Variants in NMT1 observed in about 807,000 individuals in gnomAD.
NMT1 encodes the protein N-myristoyltransferase 1.
Under a neutral mutation model 63.4 loss-of-function variants are expected in NMT1, and 12 were observed. That is an observed-to-expected ratio of 0.19 (90% CI 0.12 to 0.31). The LOEUF (loss-of-function observed/expected upper bound fraction) is 0.31. NMT1 is among the 10% of genes least tolerant of loss of function. NMT1 has a pLI of 1.00. For missense variants in NMT1, 432 were observed against 634.6 expected (o/e 0.68, Z 3.43); for synonymous variants, 228 against 234.3 (o/e 0.97, Z 0.25).
chr17:45,096,966 T>C (rs766705222), intron 5 of NMT1, among the ~76,000 whole-genome samples, 162 bp from the exon 6 acceptor site: 8 of 152,236 alleles, frequency 5.3e-5, no homozygotes, highest in Non-Finnish European at 8.8e-5. Flanking sequence ...TGGTGATGGC[T>C]CGATTCTGTG....
At chr17:45,084,305 C>T (rs1350723622) in intron 2 of NMT1, among the ~76,000 whole-genome samples, 1 of 150,374 alleles carries the variant, frequency 6.7e-6, no homozygotes, top group Non-Finnish European at 1.5e-5. Flanking sequence ...AATTATTTCT[C>T]TTAGATTGGC....
At chr17:45,070,013 G>A (rs1478552133) in intron 1 of NMT1, among the ~76,000 whole-genome samples, 1 of 151,990 alleles carries the variant, frequency 6.6e-6, no homozygotes, top group Admixed American at 6.6e-5. Flanking sequence ...AGTCTAACTC[G>A]CCAAACAAAC....
intron 3 of NMT1, among the ~76,000 whole-genome samples, chr17:45,091,977 C>T (rs1244353140): frequency 2.0e-5 from 3 of 152,080 alleles, no homozygotes; most frequent in Non-Finnish European, 2.9e-5. Context: ...ACCAAGGTTA[C>T]GCCACTGCAT....
At chr17:45,088,290 A>G (rs2054067188) in intron 3 of NMT1, among the ~76,000 whole-genome samples, 1 of 152,228 alleles carries the variant, frequency 6.6e-6, no homozygotes, top group African/African-American at 2.4e-5. Flanking sequence ...AGAGAGCCAC[A>G]CATCTCACCT....
intron 3 of NMT1, 172 bp from the exon 4 acceptor site, chr17:45,093,513 T>G: frequency 1.7e-6 from 1 of 576,572 alleles, no homozygotes; most frequent in South Asian, 2.1e-5. Context: ...TGGCCCTCAG[T>G]TAGGGGCTAA....
intron 1 of NMT1, among the ~76,000 whole-genome samples, chr17:45,075,998 A>T (rs536849412): frequency 6.6e-6 from 1 of 152,174 alleles, no homozygotes; most frequent in African/African-American, 2.4e-5. Context: ...GGAACCTGTG[A>T]TGAGGAGGCT....
chr17:45,081,842 G>A (rs2054019154), intron 2 of NMT1, 90 bp downstream of exon 2: 8 of 950,950 alleles, frequency 8.4e-6, no homozygotes, highest in Middle Eastern at 2.8e-4. Context: ...TTGGATTGAC[G>A]TTCTCCACTG....
Position 45,107,795 on chromosome 17 carries a change from G to A in NMT1, c.*2156G>A, listed in dbSNP as rs1381816278. 1 of 152,292 alleles carries A rather than the reference G, an allele frequency of 6.6e-6. No individual in the cohort carries two copies. Among genetic ancestry groups the A allele is most frequent in the East Asian group, 1.9e-4 (1 of 5,194 alleles). The allele number at this position is 152,292 out of a possible 1,614,324, so 9.4% of individuals were successfully genotyped here. ...TTGACCCAGGTCATGGAATGGAAAC[G>A]GTGAGGCCCCAGTGGCTGTTCTGGA... On this transcript the variant is annotated 3_prime_UTR_variant, in exon 12 of 12. Coordinates refer to ENST00000258960, the MANE Select transcript of NMT1 (RefSeq NM_021079.5).
In NMT1 at chr17:45,104,523, G is replaced by A; in HGVS notation, c.1333-336G>A. On this transcript the variant is annotated intron_variant, in intron 10 of 11. Transcript: ENST00000258960. This position sits in a 1 kb window ranked among gnomAD's most constrained non-coding sequence, Gnocchi z 4.2. ...AGCTGACCAGAGCCAGCTTCTCAGA[G>A]GAATGGGCTCAGGGTTTGGACTCCA... 8.8e-7 allele frequency: 1 copy of A among 1,130,744 alleles called. No individual in the cohort carries two copies. Among genetic ancestry groups the A allele is most frequent in the Non-Finnish European group, 1.1e-6 (1 of 918,514 alleles). 70.0% of individuals were successfully genotyped at this position (1,130,744 alleles called of 1,614,324 possible).
intron 1 of NMT1, among the ~76,000 whole-genome samples, chr17:45,075,947 G>T (rs576019594): frequency 6.6e-6 from 1 of 152,104 alleles, no homozygotes; most frequent in Non-Finnish European, 1.5e-5. Context: ...GTATGTGCCT[G>T]TATTCCCAGC....
intron 1 of NMT1, among the ~76,000 whole-genome samples, chr17:45,069,639 G>A (rs1460313006): frequency 6.6e-6 from 1 of 152,034 alleles, no homozygotes; most frequent in African/African-American, 2.4e-5. Flanking sequence ...ATCTCCACTG[G>A]TCTCTTTGAC....
chr17:45,079,335 C>A (rs968394362), intron 1 of NMT1, among the ~76,000 whole-genome samples: 2 of 152,098 alleles, frequency 1.3e-5, no homozygotes, highest in Non-Finnish European at 2.9e-5. Flanking sequence ...AACTCCTGAC[C>A]TCATGATCTG....
At position 45,081,510 on chromosome 17, in the gene NMT1, TG is replaced by T. The variant is rs1186877983; in HGVS notation, c.132-131del. 29 of 759,204 alleles carry T rather than the reference TG, an allele frequency of 3.8e-5. No individual in the cohort carries two copies. In the African/African-American group the frequency reaches 4.7e-4, roughly 12 times the overall value. 47.0% of individuals were successfully genotyped at this position (759,204 alleles called of 1,614,324 possible). The stretch of plus-strand genomic sequence containing the variant: ...GTCCTCCAAATGCCCTTTCTGGACC[TG>T]GGTTCTTCAGCCTGCTTCTGAAGCC... On this transcript the variant is annotated intron_variant, in intron 1 of 11. Transcript: ENST00000258960.
At chr17:45,073,896 T>C (rs2053959200) in intron 1 of NMT1, among the ~76,000 whole-genome samples, 1 of 152,204 alleles carries the variant, frequency 6.6e-6, no homozygotes, top group Non-Finnish European at 1.5e-5. Context: ...GAAGCTCAGC[T>C]TCCCCTCCCC....
chr17:45,098,350 A>C, intron 6 of NMT1, 32 bp from the exon 7 acceptor site: 1 of 1,604,684 alleles, frequency 6.2e-7, no homozygotes, highest in Non-Finnish European at 8.5e-7. Context: ...CCCTGTTAAA[A>C]ACCTTGTCAC....
In NMT1 at chr17:45,081,760, G is replaced by A. The variant is rs1204729706; in HGVS notation, c.240+8G>A. ...CAGGATCAGCCTGTGAAGGTAACAA[G>A]GAGGTTCTGTTTTTTGTGACTCAGT... is the stretch of plus-strand genomic sequence containing the variant. On this transcript the variant is annotated splice_region_variant and intron_variant, in intron 2 of 11. Coordinates refer to ENST00000258960, the MANE Select transcript of NMT1 (RefSeq NM_021079.5). 1 of 1,544,740 alleles carries A rather than the reference G, an allele frequency of 6.5e-7. No homozygotes were observed. Among genetic ancestry groups the A allele is most frequent in the Non-Finnish European group, 8.7e-7 (1 of 1,144,728 alleles).
chr17:45,071,703 T>A (rs572730049), intron 1 of NMT1, among the ~76,000 whole-genome samples: 16 of 152,170 alleles, frequency 1.1e-4, no homozygotes, highest in Non-Finnish European at 2.2e-4. Context: ...GTAGTTACAT[T>A]AGAGCTTTTT....
intron 1 of NMT1, among the ~76,000 whole-genome samples, chr17:45,077,732 G>C (rs542807523): frequency 1.3e-5 from 2 of 152,250 alleles, no homozygotes; most frequent in South Asian, 4.1e-4. Flanking sequence ...ACGTAATCCT[G>C]AGACTGAAGT....
At chr17:45,068,124 C>A (rs1296075546) in intron 1 of NMT1, among the ~76,000 whole-genome samples, 2 of 152,150 alleles carry the variant, frequency 1.3e-5, no homozygotes, top group Admixed American at 1.3e-4. Context: ...GTGATTGTTA[C>A]ATTTAAGGGA....
Sources: allele counts gnomAD v4.1 joint callset (sites outside exome capture counted in the v4.1 genomes callset), GRCh38; gene constraint gnomAD v4.1.1; non-coding constraint Gnocchi (gnomAD v3.1); transcripts MANE v1.5; gene names NCBI Gene and HGNC (gene_info 2026-07-23, HGNC 2026-07-21).